Variants in NCOR2 observed in about 807,000 individuals in gnomAD.
NCOR2 encodes nuclear receptor corepressor 2.
NCOR2 carries 81 observed loss-of-function variants against 262.9 expected under a neutral mutation model. That is an observed-to-expected ratio of 0.31 (90% CI 0.26 to 0.37). NCOR2 has a LOEUF of 0.37. Among genes scored for constraint, NCOR2 ranks in the 10% least tolerant of loss-of-function variants. The probability of loss-of-function intolerance (pLI) is 1.00; values close to 1 mark genes in which losing one functional copy is unlikely to be tolerated. For missense variants in NCOR2, 3,385 were observed against 3,621.4 expected, an observed-to-expected ratio of 0.93 and a Z score of 1.68; for synonymous variants, 1,659 against 1,559.3, an observed-to-expected ratio of 1.06 and a Z score of -1.51.
intron 3 of NCOR2, among the ~76,000 whole-genome samples, chr12:124,473,427 C>T (rs2046930476): frequency 6.6e-6 from 1 of 152,158 alleles, no homozygotes; most frequent in Non-Finnish European, 1.5e-5. Flanking sequence ...ACATCTTTCT[C>T]CCGTGCTGGA....
chr12:124,466,330 C>T (rs770815411), intron 4 of NCOR2, 44 bp from the exon 7 acceptor site: 4 of 1,570,138 alleles, frequency 2.5e-6, no homozygotes, highest in Admixed American at 3.4e-5. Context: ...CCCCAGCGGG[C>T]GGAAGGAGGG....
At chr12:124,333,659 A>ACG (rs1555299111) in intron 41 of NCOR2, among the ~76,000 whole-genome samples, 2 of 148,144 alleles carry the variant, frequency 1.4e-5, no homozygotes, top group Non-Finnish European at 3.0e-5. Flanking sequence ...CACACACATT[A>ACG]CCCCCCCCGC....
Position 124,432,200 on chromosome 12 carries a change from G to T in NCOR2, c.883-1413C>A, listed in dbSNP as rs1252725596. On this transcript the variant is annotated intron_variant, in intron 8 of 46. Coordinates refer to ENST00000405201, the Ensembl canonical transcript of NCOR2. The surrounding 1 kb of genome is among the most constrained non-coding windows in gnomAD (Gnocchi z 5.1). The stretch of plus-strand genomic sequence containing the variant: ...CAGACATGATGGACACACATACACA[G>T]AGTCACACATGTAGACACACAACAG... 2.0e-5 allele frequency among the ~76,000 whole-genome samples: 3 copies of T among 151,576 alleles called. No homozygotes were observed. Among genetic ancestry groups the T allele is most frequent in the African/African-American group, 7.3e-5 (3 of 41,214 alleles).
At chr12:124,328,367 T>C (rs1258102662) in intron 44 of NCOR2, among the ~76,000 whole-genome samples, 1 of 151,890 alleles carries the variant, frequency 6.6e-6, no homozygotes, top group Admixed American at 6.6e-5. Flanking sequence ...AGGGCAGAAG[T>C]AGACACAATC....
Position 124,326,211 on chromosome 12 carries a change from TC to T in NCOR2, c.7342del (p.Glu2448ArgfsTer17). 6.5e-7 allele frequency: 1 copy of T among 1,536,728 alleles called. No individual in the cohort carries two copies. ...CCCACCTGCGGACGAGGGCCTGTCC[TC>T]CCACACGCGGTTGGTGAGCGGCGTC... is the stretch of plus-strand genomic sequence containing the variant. On this transcript the variant is annotated frameshift_variant, in exon 46 of 47. Coordinates refer to ENST00000405201, the Ensembl canonical transcript of NCOR2. LOFTEE classifies it high-confidence loss of function.
chr12:124,372,678 C>CTCATCCCGAGGGTCAGGGCCATG, intron 19 of NCOR2, 68 bp from the exon 22 acceptor site: 1 of 1,421,932 alleles, frequency 7.0e-7, no homozygotes, highest in Non-Finnish European at 9.7e-7. Flanking sequence ...GATGCATGGC[C>CTCATCCCGAGGGTCAGGGCCATG]CTGACCCTCC....
intron 1 of NCOR2, among the ~76,000 whole-genome samples, chr12:124,532,726 G>A (rs1333359197): frequency 6.6e-6 from 1 of 152,184 alleles, no homozygotes; most frequent in Non-Finnish European, 1.5e-5. Context: ...GATGGACGGG[G>A]GACAGAGAGG....
chr12:124,325,392 C>CCCCCCGT, exon 47 of NCOR2: 1 of 1,152,268 alleles, frequency 8.7e-7, no homozygotes, highest in Non-Finnish European at 1.1e-6. Context: ...CCCCCCCGCC[C>CCCCCCGT]TGTTCTGAGT....
intron 5 of NCOR2, among the ~76,000 whole-genome samples, chr12:124,463,543 A>G (rs1347906460): frequency 6.6e-6 from 1 of 152,072 alleles, no homozygotes; most frequent in African/African-American, 2.4e-5. Flanking sequence ...TGCCTCACCA[A>G]TGTGCTCCGA....
In NCOR2 at chr12:124,509,240, G is replaced by GC. The variant is rs72458904; in HGVS notation, c.-117-13873_-117-13872insG. 5.5e-3 allele frequency among the ~76,000 whole-genome samples: 759 copies of GC among 138,584 alleles called. 85 individuals are homozygous for GC. The highest frequency in any genetic ancestry group is 0.016 in the African/African-American group (622 of 38,276). The allele number at this position is 138,584 out of a possible 152,430, so 90.9% of individuals were successfully genotyped here. A position where few individuals can be genotyped will look rare whatever the true frequency, so the allele number is the denominator to read the frequency against. ...CAAAGTGGCACTGGCTTTGGTGGGG[G>GC]GGGGGGGGGCTTAACTCTGAACTCT... On this transcript the variant is annotated intron_variant, in intron 1 of 46. Coordinates refer to the NCOR2 transcript ENST00000404621.
At chr12:124,438,778 C>CAGAGAGAG (rs56072801) in intron 7 of NCOR2, among the ~76,000 whole-genome samples, 10 of 60,066 alleles carry the variant, frequency 1.7e-4, no homozygotes, top group East Asian at 4.9e-4. Flanking sequence ...CCCAGAGAGA[C>CAGAGAGAG]AGAGAGAGAG....
At chr12:124,485,834 G>A (rs1785886972) in intron 2 of NCOR2, among the ~76,000 whole-genome samples, 1 of 152,208 alleles carries the variant, frequency 6.6e-6, no homozygotes, top group African/African-American at 2.4e-5. Flanking sequence ...GTCTCCAGCA[G>A]AAGCTCCTAG....
intron 1 of NCOR2, among the ~76,000 whole-genome samples, chr12:124,527,932 C>G (rs2050568498): frequency 6.6e-6 from 1 of 152,244 alleles, no homozygotes; most frequent in Non-Finnish European, 1.5e-5. Context: ...ATCTCGCCCT[C>G]CAGGGCGTGC....
At chr12:124,351,560 A>G (rs998461628) in intron 27 of NCOR2, among the ~76,000 whole-genome samples, 1 of 152,152 alleles carries the variant, frequency 6.6e-6, no homozygotes, top group African/African-American at 2.4e-5. Flanking sequence ...ATAGGGAATG[A>G]GCTTCCCGTT....
At chr12:124,339,874 C>A in intron 37 of NCOR2, 132 bp downstream of exon 39, 1 of 1,110,436 alleles carries the variant, frequency 9.0e-7, no homozygotes, top group Non-Finnish European at 1.3e-6. Context: ...ATAGTCTATT[C>A]TTCTACCCCC....
intron 5 of NCOR2, among the ~76,000 whole-genome samples, chr12:124,462,609 G>A (rs1030163203): frequency 2.3e-4 from 35 of 152,218 alleles, no homozygotes; most frequent in Admixed American, 4.6e-4. Flanking sequence ...CCAGGTGGCC[G>A]GGCATGGAGG....
At chr12:124,476,187 G>C (rs1435108667) in intron 3 of NCOR2, among the ~76,000 whole-genome samples, 1 of 152,176 alleles carries the variant, frequency 6.6e-6, no homozygotes, top group East Asian at 1.9e-4. Flanking sequence ...TGCACAGGCT[G>C]GCTCCGCTAC....
Position 124,360,300 on chromosome 12 carries a change from C to T in NCOR2, c.3100+1826G>A, listed in dbSNP as rs28716749. Among the ~76,000 whole-genome samples the T allele has an allele frequency of 5.6e-4, 86 of 152,348 alleles. 1 individual carries two copies. Among genetic ancestry groups the T allele is most frequent in the African/African-American group, 1.9e-3 (81 of 41,576 alleles). On this transcript the variant is annotated intron_variant, in intron 22 of 46. Coordinates refer to ENST00000405201, the Ensembl canonical transcript of NCOR2. ...TGGTCATGGGGCATCCCAGTTCCAG[C>T]GAGACATCCCTGGCGTCATCCCCAC...
intron 1 of NCOR2, among the ~76,000 whole-genome samples, chr12:124,526,669 C>T (rs530423629): frequency 2.0e-5 from 3 of 152,268 alleles, no homozygotes; most frequent in South Asian, 2.1e-4. Flanking sequence ...ACAGACAGGA[C>T]GCTAACCAAT....
Sources: gnomAD v4.1 joint callset for allele counts (sites outside exome capture counted in the v4.1 genomes callset) on GRCh38, gnomAD v4.1.1 for gene constraint, Gnocchi (gnomAD v3.1) non-coding constraint, MANE v1.5 for transcripts, NCBI Gene and HGNC (gene_info 2026-07-23, HGNC 2026-07-21) for gene names.